The following TENM4 variants were observed in gnomAD, a reference collection of about 807,000 sequenced individuals.
The protein encoded by TENM4 is teneurin transmembrane protein 4, also known as teneurin-4.
TENM4 carries 82 observed loss-of-function variants against 243.3 expected under a neutral mutation model. The observed-to-expected ratio is 0.34, with a 90% confidence interval of 0.28 to 0.40. The LOEUF is 0.40. Among genes scored for constraint, TENM4 ranks in the 10% least tolerant of loss-of-function variants. The pLI, the probability that TENM4 is intolerant of heterozygous loss-of-function variation, is 1.00. For synonymous variants in TENM4, 1,412 were observed against 1,456.3 expected (o/e 0.97, Z 0.69); for missense variants, 3,138 against 3,673.3 (o/e 0.85, Z 3.77).
In TENM4 at chr11:78,905,668, G is replaced by A. The variant is rs560969144; in HGVS notation, c.494-2145C>T. Among the ~76,000 whole-genome samples, 19 of 152,310 alleles carry A rather than the reference G, an allele frequency of 1.2e-4. No homozygotes were observed. The South Asian group carries it at 3.7e-3, about 30-fold the overall frequency. On this transcript the variant is annotated intron_variant, in intron 6 of 33. Coordinates refer to ENST00000278550, the MANE Select transcript of TENM4 (RefSeq NM_001098816.3). ...TCAACTCCCACAAGGAGGGTCCCCA[G>A]GAAGGTGACAGAATGTGAATGGTAC...
chr11:78,872,743 A>G (rs1302421363), intron 9 of TENM4, among the ~76,000 whole-genome samples: 2 of 152,222 alleles, frequency 1.3e-5, no homozygotes, highest in African/African-American at 4.8e-5. Flanking sequence ...CTCCATTTCC[A>G]TAGCTACAAG....
chr11:79,133,803 A>T (rs574117207), intron 4 of TENM4, among the ~76,000 whole-genome samples: 1 of 152,340 alleles, frequency 6.6e-6, no homozygotes, highest in South Asian at 2.1e-4. Flanking sequence ...GCATCCCTTT[A>T]TGATTAAAAC....
chr11:79,169,221 CA>C (rs1862985580), intron 3 of TENM4, among the ~76,000 whole-genome samples: 1 of 152,214 alleles, frequency 6.6e-6, no homozygotes, highest in Non-Finnish European at 1.5e-5. Flanking sequence ...TAATAATACA[CA>C]GTTGTTTTAA....
At chr11:79,373,954 T>C (rs1857838112) in intron 1 of TENM4, among the ~76,000 whole-genome samples, 1 of 151,960 alleles carries the variant, frequency 6.6e-6, no homozygotes, top group African/African-American at 2.4e-5. Flanking sequence ...CCAGGACAAT[T>C]GGGGTGAGGG....
At chr11:78,963,307 C>T (rs568545315) in intron 6 of TENM4, among the ~76,000 whole-genome samples, 8 of 152,292 alleles carry the variant, frequency 5.3e-5, no homozygotes, top group African/African-American at 1.9e-4. Context: ...AAGGAGGAGG[C>T]GATGGCTTGG....
At chr11:78,797,659 A>G (rs1857187407) in intron 15 of TENM4, among the ~76,000 whole-genome samples, 1 of 152,158 alleles carries the variant, frequency 6.6e-6, no homozygotes, top group Admixed American at 6.5e-5. Context: ...TGACCATCTC[A>G]TTGTGTCTAA....
intron 6 of TENM4, among the ~76,000 whole-genome samples, chr11:78,981,324 A>G (rs953983395): frequency 6.6e-6 from 1 of 152,182 alleles, no homozygotes; most frequent in Non-Finnish European, 1.5e-5. Context: ...TTTTACACCC[A>G]TTATCTCATT....
At chr11:78,943,026 G>A (rs1168612423) in intron 6 of TENM4, among the ~76,000 whole-genome samples, 2 of 152,124 alleles carry the variant, frequency 1.3e-5, no homozygotes, top group African/African-American at 2.4e-5. Context: ...GTCGGTGCAT[G>A]GTCCTGCGAG....
chr11:78,662,194 C>CT (rs758052978), intron 32 of TENM4, among the ~76,000 whole-genome samples: 2,329 of 140,846 alleles, frequency 0.017, 48 homozygotes, highest in African/African-American at 0.044. Flanking sequence ...CATTTTCTTT[C>CT]TTTTTTTTTT....
chr11:79,350,024 G>A (rs1857388939), intron 1 of TENM4, among the ~76,000 whole-genome samples: 1 of 152,164 alleles, frequency 6.6e-6, no homozygotes, highest in African/African-American at 2.4e-5. Context: ...CGCTTACTGT[G>A]TGCTGGCCCA....
intron 17 of TENM4, among the ~76,000 whole-genome samples, chr11:78,772,203 G>A (rs1466316757): frequency 6.6e-6 from 1 of 152,150 alleles, no homozygotes; most frequent in Non-Finnish European, 1.5e-5. Flanking sequence ...TATTAAAGTA[G>A]ATTTGCAGGT....
intron 12 of TENM4, among the ~76,000 whole-genome samples, chr11:78,830,894 T>C (rs924807489): frequency 8.5e-5 from 13 of 152,190 alleles, no homozygotes; most frequent in African/African-American, 2.7e-4. Context: ...ATCCAAGTTT[T>C]TAATAATAAA....
chr11:79,282,707 T>C (rs888648108), intron 2 of TENM4, among the ~76,000 whole-genome samples: 1 of 152,174 alleles, frequency 6.6e-6, no homozygotes, highest in East Asian at 1.9e-4. Context: ...TAAGCATTGG[T>C]CTTGTTCAGC....
intron 1 of TENM4, among the ~76,000 whole-genome samples, chr11:79,436,775 T>C (rs1859279971): frequency 6.6e-6 from 1 of 152,160 alleles, no homozygotes; most frequent in Non-Finnish European, 1.5e-5. Context: ...GAGGCCTTGA[T>C]GAAAACAAGA....
At chr11:79,085,768 G>A (rs1313436230) in intron 4 of TENM4, among the ~76,000 whole-genome samples, 2 of 151,984 alleles carry the variant, frequency 1.3e-5, no homozygotes, top group Non-Finnish European at 2.9e-5. Context: ...GTTGAAAATT[G>A]AAGTCAGATG....
At chr11:79,370,779 T>TTA (rs1857766526) in intron 1 of TENM4, among the ~76,000 whole-genome samples, 1 of 57,144 alleles carries the variant, frequency 1.7e-5, no homozygotes, top group African/African-American at 5.9e-5. Flanking sequence ...ACTCCTATGG[T>TTA]AAAAAAAAAA....
chr11:79,266,466 G>T (rs182159123), intron 2 of TENM4, among the ~76,000 whole-genome samples: 188 of 152,338 alleles, frequency 1.2e-3, no homozygotes, highest in African/African-American at 4.3e-3. Context: ...TGTTGAAGAA[G>T]AGGAATGATA....
Position 78,805,277 on chromosome 11 carries a change from T to TGCCCCCCCCCCACACCCCCCC in TENM4, c.2179+14_2179+15insGGGGGGGTGTGGGGGGGGGGC. On this transcript the variant is annotated intron_variant, in intron 15 of 33. Coordinates refer to ENST00000278550, the MANE Select transcript of TENM4 (RefSeq NM_001098816.3). ...CCCCTCCCTCTACCCATGCTTCTTC[T>TGCCCCCCCCCCACACCCCCCC]CCCCCTGCATTTACCGATAGAACAG... The TGCCCCCCCCCCACACCCCCCC allele has an allele frequency of 7.1e-7, 1 of 1,402,550 alleles. No individual in the cohort carries two copies. Among genetic ancestry groups the TGCCCCCCCCCCACACCCCCCC allele is most frequent in the Non-Finnish European group, 9.7e-7 (1 of 1,033,116 alleles). 86.9% of individuals were successfully genotyped at this position (1,402,550 alleles called of 1,614,324 possible).
chr11:78,892,691 T>G (rs566544657), intron 7 of TENM4, among the ~76,000 whole-genome samples: 1 of 152,374 alleles, frequency 6.6e-6, no homozygotes, highest in African/African-American at 2.4e-5. Context: ...TATTATTTAT[T>G]GTTCCAGAAG....
Sources: allele counts gnomAD v4.1 joint callset (sites outside exome capture counted in the v4.1 genomes callset), GRCh38; gene constraint gnomAD v4.1.1; transcripts MANE v1.5; gene names NCBI Gene and HGNC (gene_info 2026-07-23, HGNC 2026-07-21).